The following GPC6 variants were observed in gnomAD, a reference collection of about 807,000 sequenced individuals.
GPC6 encodes the protein glypican 6.
In GPC6, 14 loss-of-function variants were observed where a neutral mutation model predicts 55.2. That is an observed-to-expected ratio of 0.25 (90% CI 0.17 to 0.40). GPC6 has a LOEUF of 0.40. Among genes scored for constraint, GPC6 ranks in the 10% least tolerant of loss-of-function variants. The pLI is 1.00. For synonymous variants in GPC6, 278 were observed against 259.6 expected, an observed-to-expected ratio of 1.07 and a Z score of -0.68; for missense variants, 641 against 708.5, an observed-to-expected ratio of 0.90 and a Z score of 1.08.
At chr13:93,365,996 T>G (rs1447694682) in intron 1 of GPC6, among the ~76,000 whole-genome samples, 1 of 152,080 alleles carries the variant, frequency 6.6e-6, no homozygotes, top group Non-Finnish European at 1.5e-5. Context: ...TTTTACATAT[T>G]TTTACTAAGG....
intron 1 of GPC6, among the ~76,000 whole-genome samples, chr13:93,333,753 G>A (rs568976078): frequency 6.6e-6 from 1 of 151,916 alleles, no homozygotes; most frequent in Admixed American, 6.6e-5. Context: ...GCCCAGGCTG[G>A]CCTCAGACTC....
chr13:94,307,049 G>A (rs1237928194), intron 6 of GPC6, among the ~76,000 whole-genome samples: 1 of 152,130 alleles, frequency 6.6e-6, no homozygotes, highest in Non-Finnish European at 1.5e-5. Flanking sequence ...ATTGCTTTAT[G>A]ATTTTAGTTA....
At chr13:94,091,400 T>G (rs7983629) in intron 4 of GPC6, among the ~76,000 whole-genome samples, 26,149 of 152,138 alleles carry the variant, frequency 0.17, 2,830 homozygotes, top group South Asian at 0.26. Context: ...TTAAATGACT[T>G]TAGCTAACTT....
intron 4 of GPC6, among the ~76,000 whole-genome samples, chr13:94,053,530 C>G (rs1360267134): frequency 2.6e-5 from 4 of 152,156 alleles, no homozygotes; most frequent in African/African-American, 7.2e-5. Flanking sequence ...GAAATAGAAG[C>G]TGCAGTGAAC....
intron 3 of GPC6, among the ~76,000 whole-genome samples, chr13:93,836,712 G>T (rs1423360370): frequency 6.6e-6 from 1 of 152,108 alleles, no homozygotes. Flanking sequence ...TATTTAGAAA[G>T]TACTTTGCAC....
chr13:94,395,901 C>CT (rs1319988275), intron 7 of GPC6, among the ~76,000 whole-genome samples: 4 of 152,210 alleles, frequency 2.6e-5, no homozygotes, highest in African/African-American at 9.7e-5. Context: ...CCAGGACCCT[C>CT]TACAAGCTAT....
intron 3 of GPC6, among the ~76,000 whole-genome samples, chr13:93,877,144 T>C (rs529881717): frequency 9.2e-5 from 14 of 152,186 alleles, no homozygotes; most frequent in African/African-American, 3.4e-4. Context: ...TGGCTATGGA[T>C]CGAATATGTT....
intron 4 of GPC6, among the ~76,000 whole-genome samples, chr13:94,103,945 T>C (rs893220026): frequency 6.6e-6 from 1 of 152,208 alleles, no homozygotes; most frequent in Admixed American, 6.5e-5. Context: ...GTTTTAGTCA[T>C]GAAGTCCTTG....
intron 2 of GPC6, among the ~76,000 whole-genome samples, chr13:93,734,113 G>GA (rs11410920): frequency 0.92 from 139,651 of 152,012 alleles, 64,290 homozygotes; most frequent in Admixed American, 0.96. Flanking sequence ...GTTTTGGGTT[G>GA]AAAATGAAAA....
intron 3 of GPC6, among the ~76,000 whole-genome samples, chr13:93,833,061 A>G (rs1008814157): frequency 3.4e-5 from 5 of 146,202 alleles, no homozygotes; most frequent in African/African-American, 8.0e-5. Context: ...GTAGAGAGAT[A>G]GATGGATGGA....
chr13:94,189,593 A>G (rs1190150838), intron 4 of GPC6, among the ~76,000 whole-genome samples: 1 of 152,240 alleles, frequency 6.6e-6, no homozygotes, highest in African/African-American at 2.4e-5. Context: ...TGTTATGTCA[A>G]TCCACACATT....
intron 3 of GPC6, among the ~76,000 whole-genome samples, chr13:94,017,780 G>A (rs1882526591): frequency 6.6e-6 from 1 of 151,948 alleles, no homozygotes; most frequent in Non-Finnish European, 1.5e-5. Flanking sequence ...CCAAGTTCAA[G>A]CAATTATCTG....
At chr13:93,591,120 C>T (rs1390910916) in intron 2 of GPC6, among the ~76,000 whole-genome samples, 1 of 130,654 alleles carries the variant, frequency 7.7e-6, no homozygotes, top group Non-Finnish European at 1.5e-5. Flanking sequence ...TCTCAGTCAT[C>T]TGAAAATAAA....
chr13:94,217,966 T>C (rs539831681), intron 4 of GPC6, among the ~76,000 whole-genome samples: 1 of 152,338 alleles, frequency 6.6e-6, no homozygotes, highest in Admixed American at 6.5e-5. Flanking sequence ...TGGTTATCAG[T>C]GGTTGCTATT....
At chr13:93,817,007 G>A (rs9301911) in intron 2 of GPC6, among the ~76,000 whole-genome samples, 57,682 of 151,976 alleles carry the variant, frequency 0.38, 11,806 homozygotes, top group African/African-American at 0.52. Flanking sequence ...TCACAATTGT[G>A]TAGAATATTT....
intron 4 of GPC6, among the ~76,000 whole-genome samples, chr13:94,214,961 CTG>C (rs1890183747): frequency 6.6e-6 from 1 of 152,208 alleles, no homozygotes; most frequent in Non-Finnish European, 1.5e-5. Flanking sequence ...TTCTGAATAA[CTG>C]TTTAAACATT....
At chr13:94,251,961 C>T (rs1319370016) in intron 4 of GPC6, among the ~76,000 whole-genome samples, 1 of 152,126 alleles carries the variant, frequency 6.6e-6, no homozygotes, top group Non-Finnish European at 1.5e-5. Flanking sequence ...AGGACACATT[C>T]TTCATCCCTG....
At chr13:94,313,082 A>G (rs1486227541) in intron 6 of GPC6, among the ~76,000 whole-genome samples, 1 of 152,086 alleles carries the variant, frequency 6.6e-6, no homozygotes, top group Non-Finnish European at 1.5e-5. Flanking sequence ...GCAGGGAGAA[A>G]ATAAAAAAAC....
chr13:93,538,257 G>T (rs569250263), intron 1 of GPC6, among the ~76,000 whole-genome samples: 1 of 152,142 alleles, frequency 6.6e-6, no homozygotes, highest in Non-Finnish European at 1.5e-5. Context: ...ATTTCCCAGA[G>T]ATTTTTCTCC....
Sources: gnomAD v4.1 joint callset for allele counts (sites outside exome capture counted in the v4.1 genomes callset) on GRCh38, gnomAD v4.1.1 for gene constraint, MANE v1.5 for transcripts, NCBI Gene and HGNC (gene_info 2026-07-23, HGNC 2026-07-21) for gene names.